Variants in TMEM242 observed in about 807,000 individuals in gnomAD.
TMEM242 encodes UPF0463 transmembrane protein C6orf35.
In TMEM242, 10 loss-of-function variants were observed where a neutral mutation model predicts 18.2. The ratio of observed to expected loss-of-function variants is 0.55; its 90% CI spans 0.34 to 0.93. The LOEUF (loss-of-function observed/expected upper bound fraction) is 0.93, where lower values mean the gene tolerates loss of function less well. TMEM242 is among the 40% of genes least tolerant of loss of function. The pLI is 0.02. For synonymous variants in TMEM242, 57 were observed against 69.9 expected (o/e 0.81, Z 0.92); for missense variants, 186 against 175.5 (o/e 1.06, Z -0.34).
At chr6:157,310,995 TAGCCTCCCCAGTGTGCAGTCAC>T (rs1778036703) in intron 3 of TMEM242, among the ~76,000 whole-genome samples, 1 of 1,644 alleles carries the variant, frequency 6.1e-4, no homozygotes, top group African/African-American at 7.0e-3. Context: ...TGCGCTAACC[TAGCCTCCCCAGTGTGCAGTCAC>T]CTAGCCTCAT....
chr6:157,312,605 C>G (rs1562385129), intron 3 of TMEM242, among the ~76,000 whole-genome samples: 1 of 150,614 alleles, frequency 6.6e-6, no homozygotes, highest in South Asian at 2.1e-4. Context: ...GCAGTGTGCA[C>G]TCACCTAGCC....
At chr6:157,312,092 T>TGTGCGCTCACCTATCCTCATCGC (rs1778153368) in intron 3 of TMEM242, among the ~76,000 whole-genome samples, 1 of 3,952 alleles carries the variant, frequency 2.5e-4, no homozygotes, top group Non-Finnish European at 4.2e-4. Context: ...CATAGTGCCC[T>TGTGCGCTCACCTATCCTCATCGC]AGTGTCCCCT....
chr6:157,310,649 C>T (rs1778005027), intron 3 of TMEM242, among the ~76,000 whole-genome samples: 1 of 151,966 alleles, frequency 6.6e-6, no homozygotes, highest in Non-Finnish European at 1.5e-5. Flanking sequence ...CCAGTGTTCG[C>T]TCACCCGGCC....
chr6:157,311,420 A>ACACAC (rs1778087431), intron 3 of TMEM242, among the ~76,000 whole-genome samples: 1 of 4,260 alleles, frequency 2.3e-4, no homozygotes, highest in Non-Finnish European at 5.5e-4. Flanking sequence ...TCCAGTGTGC[A>ACACAC]CGCATACGGC....
chr6:157,312,764 C>T (rs1291511190), intron 3 of TMEM242, among the ~76,000 whole-genome samples: 1 of 88,890 alleles, frequency 1.1e-5, no homozygotes, highest in Non-Finnish European at 2.3e-5. Flanking sequence ...ATCTTACTGT[C>T]ACAGTGTGCG....
chr6:157,319,928 T>C (rs1278753639), intron 2 of TMEM242, among the ~76,000 whole-genome samples: 3 of 152,170 alleles, frequency 2.0e-5, no homozygotes, highest in Non-Finnish European at 2.9e-5. Flanking sequence ...CGGTGCTGCA[T>C]AGGGTGTGAG....
At position 157,304,483 on chromosome 6, in the gene TMEM242, AAAAAAAAAGAG is replaced by A. The variant is rs1204965823; in HGVS notation, c.328-11495_328-11485del. 1.1e-4 allele frequency among the ~76,000 whole-genome samples: 14 copies of A among 122,230 alleles called. No individual in the cohort carries two copies. In the South Asian group the frequency reaches 2.0e-3, roughly 18 times the overall value. The allele number at this position is 122,230 out of a possible 152,430, so 80.2% of individuals were successfully genotyped here. ...CTGTCAAAAAAAAAAAAAAAAAAAA[AAAAAAAAAGAG>A]AGAGAGAGAGAGTGCCACTGAAATG... On this transcript the variant is annotated intron_variant, in intron 3 of 3. Coordinates refer to ENST00000400788, the MANE Select transcript of TMEM242 (RefSeq NM_018452.6).
intron 3 of TMEM242, chr6:157,299,154 ACTT>A (rs1777792068): frequency 7.1e-6 from 2 of 283,042 alleles, no homozygotes; most frequent in Non-Finnish European, 1.2e-5. Context: ...ATTGAGGAAT[ACTT>A]CTTCATCTAT....
At chr6:157,295,626 C>T (rs193256191) in intron 3 of TMEM242, among the ~76,000 whole-genome samples, 12 of 152,260 alleles carry the variant, frequency 7.9e-5, no homozygotes, top group African/African-American at 2.9e-4. Flanking sequence ...TCTCCTTCGG[C>T]AGGGTTACGT....
At chr6:157,301,314 A>C (rs1382361803) in intron 3 of TMEM242, among the ~76,000 whole-genome samples, 2 of 150,996 alleles carry the variant, frequency 1.3e-5, no homozygotes, top group Non-Finnish European at 3.0e-5. Context: ...TGGACTTGAA[A>C]AGCTATTACT....
chr6:157,321,320 T>C (rs9347403), intron 2 of TMEM242, among the ~76,000 whole-genome samples: 45,354 of 152,086 alleles, frequency 0.3, 6,851 homozygotes, highest in South Asian at 0.46. Flanking sequence ...GTATTTCCCA[T>C]TTCTTTACAC....
At chr6:157,320,901 A>G (rs978033657) in intron 2 of TMEM242, among the ~76,000 whole-genome samples, 10 of 152,222 alleles carry the variant, frequency 6.6e-5, no homozygotes, top group African/African-American at 2.2e-4. Flanking sequence ...CTATAGGAAA[A>G]AAGTGGCTAG....
intron 2 of TMEM242, among the ~76,000 whole-genome samples, chr6:157,322,235 A>T (rs966218632): frequency 2.0e-5 from 3 of 152,114 alleles, no homozygotes; most frequent in Admixed American, 6.6e-5. Flanking sequence ...GGTTCAAGTG[A>T]TTCTCCTGCC....
At chr6:157,312,520 T>TAGTGTCACAGTGTGCGCTA (rs1562384974) in intron 3 of TMEM242, among the ~76,000 whole-genome samples, 1 of 139,660 alleles carries the variant, frequency 7.2e-6, no homozygotes, top group African/African-American at 2.7e-5. Flanking sequence ...AGCCTCATCA[T>TAGTGTCACAGTGTGCGCTA]ACCGCCCCAG....
chr6:157,319,625 A>T (rs9654564), intron 2 of TMEM242, among the ~76,000 whole-genome samples: 1 of 152,168 alleles, frequency 6.6e-6, no homozygotes, highest in Non-Finnish European at 1.5e-5. Flanking sequence ...ACAGCTAAGA[A>T]AATGAGAACA....
chr6:157,301,456 C>T (rs1777829165), intron 3 of TMEM242, among the ~76,000 whole-genome samples: 1 of 152,048 alleles, frequency 6.6e-6, no homozygotes, highest in Non-Finnish European at 1.5e-5. Context: ...GGATTACAGG[C>T]ACCTGCCACC....
chr6:157,301,430 G>A lies in TMEM242; in HGVS notation c.328-8431C>T, dbSNP rs782803645. ...AGGTTCAAGCCATTCTCCTGTCTCA[G>A]CCTCCCGAGTAGCTGGGATTACAGG... On this transcript the variant is annotated intron_variant, in intron 3 of 3. Transcript: ENST00000400788. 1.6e-4 allele frequency among the ~76,000 whole-genome samples: 25 copies of A among 152,044 alleles called. No individual in the cohort carries two copies. The South Asian group carries it at 2.9e-3, about 18-fold the overall frequency.
intron 3 of TMEM242, among the ~76,000 whole-genome samples, chr6:157,314,397 A>G (rs1778345665): frequency 2.1e-3 from 1 of 478 alleles, no homozygotes; most frequent in African/African-American, 7.1e-3. Flanking sequence ...CAGCTGATTT[A>G]GGAGACTACA....
At chr6:157,299,038 G>T in intron 3 of TMEM242, 1 of 293,762 alleles carries the variant, frequency 3.4e-6, no homozygotes, top group South Asian at 4.3e-5. Context: ...GGTAGTTTTA[G>T]ACAACTTTAA....
Sources: gnomAD v4.1 joint callset for allele counts (sites outside exome capture counted in the v4.1 genomes callset) on GRCh38, gnomAD v4.1.1 for gene constraint, MANE v1.5 for transcripts, NCBI Gene and HGNC (gene_info 2026-07-23, HGNC 2026-07-21) for gene names.